Variants in EXOC2 observed in about 807,000 individuals in gnomAD.
The protein encoded by EXOC2 is SEC5-like 1.
EXOC2 carries 70 observed loss-of-function variants against 131.8 expected under a neutral mutation model. The ratio of observed to expected loss-of-function variants is 0.53; its 90% CI spans 0.44 to 0.65. The LOEUF (loss-of-function observed/expected upper bound fraction) is 0.65. Ranked by LOEUF, EXOC2 falls within the 30% of genes least tolerant of loss-of-function variation. The pLI is 0.00. For missense variants in EXOC2, 923 were observed against 1,108.6 expected (o/e 0.83, Z 2.38); for synonymous variants, 411 against 398.4 (o/e 1.03, Z -0.38).
In EXOC2 at chr6:617,842, T is replaced by C. The variant is rs1047658592; in HGVS notation, c.537-7A>G. 1.9e-6 allele frequency: 3 copies of C among 1,608,476 alleles called. No individual in the cohort carries two copies. The highest frequency in any genetic ancestry group is 1.3e-5 in the African/African-American group (1 of 74,710). On this transcript the variant is annotated splice_polypyrimidine_tract_variant and splice_region_variant and intron_variant, in intron 5 of 27. Transcript: ENST00000230449. The stretch of plus-strand genomic sequence containing the variant: ...CATTTTGAGCTGCTCAAAACTGAAA[T>C]GAAATAAAGAAACCAAAGTTTGACA...
At chr6:585,432 T>C (rs967801644) in intron 11 of EXOC2, among the ~76,000 whole-genome samples, 1 of 152,154 alleles carries the variant, frequency 6.6e-6, no homozygotes, top group African/African-American at 2.4e-5. Context: ...CACCAGTGTA[T>C]ATTATTACTA....
rs1360485874 is a variant in EXOC2, at chr6:649,273, T to C, written c.-43-11412A>G. On this transcript the variant is annotated intron_variant, in intron 1 of 27. Coordinates refer to ENST00000230449, the MANE Select transcript of EXOC2 (RefSeq NM_018303.6). ...CTCATGTAAGGAAAGTTAATACAGA[T>C]GAGAATCAGGAACTTTTATTAGGTC... Among the ~76,000 whole-genome samples, 4 of 152,348 alleles carry C rather than the reference T, an allele frequency of 2.6e-5. No homozygotes were observed. The East Asian group carries it at 5.8e-4, about 22-fold the overall frequency.
intron 22 of EXOC2, among the ~76,000 whole-genome samples, chr6:547,171 A>G (rs964582729): frequency 1.3e-5 from 2 of 152,246 alleles, no homozygotes; most frequent in Non-Finnish European, 2.9e-5. Context: ...GTCACTGATC[A>G]TTACATTTTA....
In EXOC2 at chr6:553,912, A is replaced by C; in HGVS notation, c.2063T>G (p.Val688Gly). The stretch of plus-strand genomic sequence containing the variant: ...AAACAAGTCAGGGGAAGAAACATCA[A>C]CAGAGAGACTGAACATAGAAGCAAG... Reference protein sequence around the residue: ...DADIDTTHLSVDVSSPDLFGS... With the variant: ...DADIDTTHLSGDVSSPDLFGS... Residue 688 changes from valine (V) to glycine (G), a missense_variant, in exon 21 of 28, where the codon GTT becomes GGT. By Grantham distance (109) the Val-to-Gly change is moderately radical (BLOSUM62 -3). Transcript: ENST00000230449. 6.2e-7 allele frequency: 1 copy of C among 1,613,956 alleles called. No individual in the cohort carries two copies. The highest frequency in any genetic ancestry group is 8.5e-7 in the Non-Finnish European group (1 of 1,179,826).
In EXOC2 at chr6:632,988, C is replaced by A; in HGVS notation, c.248G>T (p.Arg83Ile). The change falls in exon 3 of 28, where the codon AGA becomes ATA. Residue 83 changes from arginine to isoleucine, a missense_variant. Transcript: ENST00000230449. ...CTTGAAAGAGACTGTTGAGGTTCCT[C>A]TGCCACCTGACTTAGTGGTGACAAT... ...DIIVTTKSGGRGTSTVSFKLL... is the reference protein window; with the variant it reads ...DIIVTTKSGGIGTSTVSFKLL... 3.1e-6 allele frequency: 5 copies of A among 1,614,154 alleles called. No homozygotes were observed. The highest frequency in any genetic ancestry group is 4.2e-6 in the Non-Finnish European group (5 of 1,180,020).
At chr6:603,206 T>C (rs1460659320) in intron 7 of EXOC2, among the ~76,000 whole-genome samples, 2 of 152,122 alleles carry the variant, frequency 1.3e-5, no homozygotes, top group African/African-American at 4.8e-5. Flanking sequence ...CAGCACAATG[T>C]ATCCCAGGAA....
In EXOC2 at chr6:555,300, CA is replaced by C. The variant is rs1206698160; in HGVS notation, c.1993-13del. 1.3e-6 allele frequency: 2 copies of C among 1,518,560 alleles called. No individual in the cohort carries two copies. Among genetic ancestry groups the C allele is most frequent in the Non-Finnish European group, 1.8e-6 (2 of 1,119,014 alleles). The allele number at this position is 1,518,560 out of a possible 1,614,324, so 94.1% of individuals were successfully genotyped here. On this transcript the variant is annotated splice_polypyrimidine_tract_variant and intron_variant, in intron 19 of 27. Transcript: ENST00000230449. ...CAGTATATAAAAACCTAAGTGAAAA[CA>C]TAAGTTTCAGAACTCTCAGAGGAAT...
intron 1 of EXOC2, among the ~76,000 whole-genome samples, chr6:665,696 G>A (rs779154455): frequency 4.0e-5 from 6 of 151,898 alleles, no homozygotes; most frequent in South Asian, 4.2e-4. Flanking sequence ...ACCAAACATC[G>A]TGTGTTCTCA....
intron 22 of EXOC2, among the ~76,000 whole-genome samples, chr6:540,522 TAAC>T (rs1169921444): frequency 6.6e-6 from 1 of 151,910 alleles, no homozygotes; most frequent in Non-Finnish European, 1.5e-5. Context: ...ACAACTGAAA[TAAC>T]ATTTCAATAC....
chr6:630,609 G>A (rs1761797458), intron 3 of EXOC2, among the ~76,000 whole-genome samples: 1 of 152,172 alleles, frequency 6.6e-6, no homozygotes, highest in Admixed American at 6.5e-5. Flanking sequence ...TTTTTAAATG[G>A]TTCTTGAAAG....
rs146284579 is a variant in EXOC2 at position 567,582 on chromosome 6, G to A, written c.1444-2653C>T. ...TGTATATGTGTAAATTTATGTGTAT[G>A]TCTACATACTGAGTACATGCATGCA... On this transcript the variant is annotated intron_variant, in intron 13 of 27. Transcript: ENST00000230449. Among the ~76,000 whole-genome samples, 443 of 152,266 alleles carry A rather than the reference G, an allele frequency of 2.9e-3. 3 individuals carry two copies. Among genetic ancestry groups the A allele is most frequent in the Middle Eastern group, 0.014 (4 of 294 alleles).
At chr6:625,868 T>G (rs1247619377) in intron 4 of EXOC2, among the ~76,000 whole-genome samples, 2 of 152,076 alleles carry the variant, frequency 1.3e-5, no homozygotes, top group Admixed American at 1.3e-4. Flanking sequence ...CAAAAACAGT[T>G]GAGATCATAT....
chr6:681,725 T>C (rs1430826436), intron 1 of EXOC2, among the ~76,000 whole-genome samples: 1 of 152,168 alleles, frequency 6.6e-6, no homozygotes, highest in East Asian at 1.9e-4. Context: ...AAAGTGCAAA[T>C]AAAGGTAGTA....
At chr6:574,816 A>ATGATGGTAATCTGAGG (rs761049011) in intron 12 of EXOC2, among the ~76,000 whole-genome samples, 2 of 152,246 alleles carry the variant, frequency 1.3e-5, no homozygotes, top group Non-Finnish European at 2.9e-5. Flanking sequence ...TGAATACACC[A>ATGATGGTAATCTGAGG]TGATGGTAAT....
chr6:504,782 GTATC>G (rs1368662946), intron 23 of EXOC2, among the ~76,000 whole-genome samples: 1 of 152,164 alleles, frequency 6.6e-6, no homozygotes, highest in African/African-American at 2.4e-5. Context: ...CACGTGCTGT[GTATC>G]TATCATGTGC....
At chr6:605,399 A>G (rs1026556405) in intron 7 of EXOC2, among the ~76,000 whole-genome samples, 5 of 152,266 alleles carry the variant, frequency 3.3e-5, no homozygotes, top group African/African-American at 1.2e-4. Context: ...TTAAAACATC[A>G]GAGATTCAAC....
intron 24 of EXOC2, among the ~76,000 whole-genome samples, chr6:499,161 C>A (rs1329975045): frequency 6.6e-6 from 1 of 152,150 alleles, no homozygotes; most frequent in East Asian, 1.9e-4. Context: ...GGACAGGAAA[C>A]CACGCATCTG....
intron 22 of EXOC2, among the ~76,000 whole-genome samples, chr6:534,965 T>C (rs566371642): frequency 9.2e-5 from 14 of 152,234 alleles, no homozygotes; most frequent in Admixed American, 3.3e-4. Flanking sequence ...AGATAACATA[T>C]CAAAATCTGC....
At position 640,217 on chromosome 6, in the gene EXOC2, G is replaced by A. The variant is rs557655806; in HGVS notation, c.-43-2356C>T. Among the ~76,000 whole-genome samples the A allele has an allele frequency of 3.0e-4, 46 of 152,272 alleles. 1 individual carries two copies. The highest frequency in any genetic ancestry group is 9.9e-4 in the African/African-American group (41 of 41,558). ...CTTCTTTGGTTGGTCTAGTTTCTCC[G>A]TAGGTAAGGGAACTTCAGATAAACA... is the stretch of plus-strand genomic sequence containing the variant. On this transcript the variant is annotated intron_variant, in intron 1 of 27. Transcript: ENST00000230449.
Sources: gnomAD v4.1 joint callset for allele counts (sites outside exome capture counted in the v4.1 genomes callset) on GRCh38, gnomAD v4.1.1 for gene constraint, MANE v1.5 for transcripts, NCBI Gene and HGNC (gene_info 2026-07-23, HGNC 2026-07-21) for gene names.